RIC8A: variants seen among roughly 807,000 people sequenced by gnomAD.
The protein encoded by RIC8A is RIC8 guanine nucleotide exchange factor A, also known as chaperone Ric-8A.
A neutral mutation model predicts 48.4 loss-of-function variants in RIC8A; 37 were observed. That is an observed-to-expected ratio of 0.77 (90% confidence interval 0.59 to 1.01). The LOEUF (loss-of-function observed/expected upper bound fraction) is 1.01. RIC8A is among the 50% of genes least tolerant of loss of function. The pLI, the probability that RIC8A is intolerant of heterozygous loss-of-function variation, is 0.00. For missense variants in RIC8A, 681 were observed against 696.8 expected (o/e 0.98, Z 0.25); for synonymous variants, 288 against 283.4 (o/e 1.02, Z -0.16).
In RIC8A at chr11:212,829, C is replaced by A; in HGVS notation, c.1211-8C>A. On this transcript the variant is annotated splice_region_variant and splice_polypyrimidine_tract_variant and intron_variant, in intron 7 of 9. Coordinates refer to ENST00000526104, the MANE Select transcript of RIC8A (RefSeq NM_001286134.2). ...GGCTTGCACACTGACCTCTGCCTTG[C>A]CCCTCAGTGCCCCGATTCATCAAGT... 1.2e-6 allele frequency: 2 copies of A among 1,604,794 alleles called. No individual in the cohort carries two copies. The highest frequency in any genetic ancestry group is 1.1e-5 in the South Asian group (1 of 89,446).
Position 211,744 on chromosome 11 carries a change from C to T in RIC8A, c.969+395C>T, listed in dbSNP as rs1388733954. 1.2e-5 allele frequency: 2 copies of T among 167,962 alleles called. No individual in the cohort carries two copies. Among genetic ancestry groups the T allele is most frequent in the Non-Finnish European group, 1.3e-5 (1 of 77,652 alleles). The allele number at this position is 167,962 out of a possible 1,614,324, so 10.4% of individuals were successfully genotyped here. Reference sequence around the variant, plus strand: ...AGCTTCCTTCTGATTGCTGTGACTGCACTACAGGGCATCTGGACAGCTGGG... The same window carrying T: ...AGCTTCCTTCTGATTGCTGTGACTGTACTACAGGGCATCTGGACAGCTGGG... On this transcript the variant is annotated intron_variant, in intron 5 of 9. Transcript: ENST00000526104. The surrounding 1 kb of genome is among the most constrained non-coding windows in gnomAD (Gnocchi z 4.0).
rs1287779483 is a variant in RIC8A at position 208,622 on chromosome 11, C to G, written c.-233C>G. ...GGAGAGGGGTCAGTTCGGTTCAGAG[C>G]GACTCAGCCCCTCGACTCGGGTCTT... On this transcript the variant is annotated 5_prime_UTR_variant, in exon 1 of 10. Transcript: ENST00000526104. The surrounding 1 kb of genome is among the most constrained non-coding windows in gnomAD (Gnocchi z 4.8). 4.4e-6 allele frequency: 2 copies of G among 452,864 alleles called. No individual in the cohort carries two copies. Among genetic ancestry groups the G allele is most frequent in the Non-Finnish European group, 7.8e-6 (2 of 257,906 alleles). The allele number at this position is 452,864 out of a possible 1,614,324, so 28.1% of individuals were successfully genotyped here.
Position 212,442 on chromosome 11 carries a change from T to G in RIC8A, c.996T>G (p.Ala332=). The G allele has an allele frequency of 6.2e-7, 1 of 1,613,918 alleles. No homozygotes were observed. Residue 332 remains alanine (A), a synonymous_variant, in exon 6 of 10, where the codon GCT becomes GCG. Transcript: ENST00000526104. ...CACACAGGCTGAAGGAGAGTGTAGC[T>G]CCCGTGCTGAGCGTGCTGACTGAAT... ...HKTHRLKESV[A]PVLSVLTECA...
intron 9 of RIC8A, 33 bp from the exon 10 acceptor site, chr11:214,197 C>T (rs751850253): frequency 1.2e-6 from 2 of 1,606,476 alleles, no homozygotes; most frequent in Non-Finnish European, 1.7e-6. Flanking sequence ...AACTGGGCCC[C>T]TTCCCCAGCC....
rs201428218 is a variant in RIC8A, at chr11:214,300, G to C, written c.1546G>C (p.Glu516Gln). The C allele has an allele frequency of 7.4e-6, 12 of 1,613,022 alleles. No homozygotes were observed. The highest frequency in any genetic ancestry group is 1.1e-5 in the South Asian group (1 of 90,760). The change falls in exon 10 of 10, where the codon GAG becomes CAG. Residue 516 changes from glutamate (E) to glutamine (Q), a missense_variant. Glu to Gln is a conservative substitution (Grantham distance 29). Coordinates refer to ENST00000526104, the MANE Select transcript of RIC8A (RefSeq NM_001286134.2). Reference sequence around the variant, plus strand: ...TACGTCCCTGCAGGATGCCATGTGCGAGACTATGGAGCAGCAGCTCTCCTC... The same window carrying C: ...TACGTCCCTGCAGGATGCCATGTGCCAGACTATGGAGCAGCAGCTCTCCTC... Reference protein sequence around the residue: ...HLTSLQDAMCETMEQQLSSDP... With the variant: ...HLTSLQDAMCQTMEQQLSSDP...
chr11:209,211 G>C lies in RIC8A; in HGVS notation c.85-60G>C, dbSNP rs542726633. 10 of 1,602,894 alleles carry C rather than the reference G, an allele frequency of 6.2e-6. No homozygotes were observed. In the African/African-American group the frequency reaches 1.1e-4, roughly 17 times the overall value. On this transcript the variant is annotated intron_variant, in intron 1 of 9. Coordinates refer to ENST00000526104, the MANE Select transcript of RIC8A (RefSeq NM_001286134.2). ...TGAGTTAGAGGCCAATAGGCCGCCC[G>C]CATCAGCGGACGCGGATCCTACCCC...
Position 208,027 on chromosome 11 carries a change from A to G in RIC8A, c.-828A>G, listed in dbSNP as rs1252420771. On this transcript the variant is annotated 5_prime_UTR_variant, in exon 1 of 10. Transcript: ENST00000526104. The surrounding 1 kb of genome is among the most constrained non-coding windows in gnomAD (Gnocchi z 4.8). ...TTTGCTCCCGGGCACTTGTTAGAAGAGCGAGTGGATCGCGCTTCCTGTGCG... is the reference window on the plus strand; with the variant it reads ...TTTGCTCCCGGGCACTTGTTAGAAGGGCGAGTGGATCGCGCTTCCTGTGCG... The G allele has an allele frequency of 6.6e-6, 1 of 152,292 alleles. No homozygotes were observed. The highest frequency in any genetic ancestry group is 1.5e-5 in the Non-Finnish European group (1 of 68,054). The allele number at this position is 152,292 out of a possible 1,614,324, so 9.4% of individuals were successfully genotyped here.
chr11:212,613 A>C lies in RIC8A; in HGVS notation c.1066-2A>C. ...CAAGCTTAGGGATGGCCACCTCCCC[A>C]GGTGCTGCCCCCTCTGCGGGATGTG... is the stretch of plus-strand genomic sequence containing the variant. On this transcript the variant is annotated splice_acceptor_variant, in intron 6 of 9. Coordinates refer to ENST00000526104, the MANE Select transcript of RIC8A (RefSeq NM_001286134.2). LOFTEE classifies it high-confidence loss of function. 1 of 1,613,906 alleles carries C rather than the reference A, an allele frequency of 6.2e-7. No homozygotes were observed. The highest frequency in any genetic ancestry group is 8.5e-7 in the Non-Finnish European group (1 of 1,179,904).
At position 214,250 on chromosome 11, in the gene RIC8A, T is replaced by G; in HGVS notation, c.1496T>G (p.Met499Arg). The change falls in exon 10 of 10, where the codon ATG becomes AGG. Residue 499 changes from methionine to arginine, a missense_variant. Coordinates refer to ENST00000526104, the MANE Select transcript of RIC8A (RefSeq NM_001286134.2). ...KLSRNRVIQPMGMSPRGHLTS... is the reference protein window; with the variant it reads ...KLSRNRVIQPRGMSPRGHLTS... ...AACAGGAACAGAGTCATCCAGCCAA[T>G]GGGGATGAGTCCCCGGGGTCATCTT... The G allele has an allele frequency of 6.2e-7, 1 of 1,613,850 alleles. No individual in the cohort carries two copies. The highest frequency in any genetic ancestry group is 1.1e-5 in the South Asian group (1 of 90,966).
Position 211,120 on chromosome 11 carries a change from T to C in RIC8A, c.819-79T>C. ...CTCAGATGCCAGCTCATGTAATGTGTGGTTCAGCGGAGTCACAAAGATTGC... is the reference window on the plus strand; with the variant it reads ...CTCAGATGCCAGCTCATGTAATGTGCGGTTCAGCGGAGTCACAAAGATTGC... On this transcript the variant is annotated intron_variant, in intron 4 of 9. Transcript: ENST00000526104. This position sits in a 1 kb window ranked among gnomAD's most constrained non-coding sequence, Gnocchi z 4.0. The C allele has an allele frequency of 2.1e-6, 3 of 1,454,596 alleles. No homozygotes were observed. The highest frequency in any genetic ancestry group is 2.8e-6 in the Non-Finnish European group (3 of 1,065,034). 90.1% of individuals were successfully genotyped at this position (1,454,596 alleles called of 1,614,324 possible).
At chr11:209,364 A>C (rs1162471835) in intron 2 of RIC8A, 43 bp from the exon 3 acceptor site, 5 of 1,601,652 alleles carry the variant, frequency 3.1e-6, no homozygotes, top group East Asian at 4.5e-5. Context: ...GGGTGGCCCC[A>C]GGAAGAAGGG....
At position 209,599 on chromosome 11, in the gene RIC8A, G is replaced by A. The variant is rs1372336675; in HGVS notation, c.325G>A (p.Ala109Thr). The A allele has an allele frequency of 3.1e-6, 5 of 1,613,916 alleles. No individual in the cohort carries two copies. The highest frequency in any genetic ancestry group is 1.3e-5 in the African/African-American group (1 of 74,946). ...SVSEGSVPES[A>T]DMDVVLESLK... Reference sequence around the variant, plus strand: ...CTCTGAGGGGTCCGTCCCAGAGTCCGCAGACATGGATGTTGTACTGGAGTC... The same window carrying A: ...CTCTGAGGGGTCCGTCCCAGAGTCCACAGACATGGATGTTGTACTGGAGTC... Residue 109 changes from alanine (A) to threonine (T), a missense_variant, in exon 3 of 10, where the codon GCA becomes ACA. Transcript: ENST00000526104.
intron 4 of RIC8A, chr11:210,922 G>T (rs1362076555): frequency 8.3e-6 from 5 of 602,940 alleles, no homozygotes; most frequent in Non-Finnish European, 1.5e-5. Flanking sequence ...CCTGCCCCTA[G>T]GCTGGTCTGG....
Position 208,666 on chromosome 11 carries a change from G to C in RIC8A, c.-189G>C, listed in dbSNP as rs1454817409. On this transcript the variant is annotated 5_prime_UTR_variant, in exon 1 of 10. Coordinates refer to ENST00000526104, the MANE Select transcript of RIC8A (RefSeq NM_001286134.2). This position sits in a 1 kb window ranked among gnomAD's most constrained non-coding sequence, Gnocchi z 4.8. ...GGGTCTTAAAACCTCCGAGCCGCCA[G>C]TTCTGCCTCAGGCCGCGCCCCCTTA... 2 of 497,952 alleles carry C rather than the reference G, an allele frequency of 4.0e-6. No homozygotes were observed. The highest frequency in any genetic ancestry group is 7.0e-6 in the Non-Finnish European group (2 of 286,266). The allele number at this position is 497,952 out of a possible 1,614,324, so 30.8% of individuals were successfully genotyped here.
At chr11:212,274 G>C in intron 5 of RIC8A, 142 bp from the exon 6 acceptor site, 1 of 756,956 alleles carries the variant, frequency 1.3e-6, no homozygotes, top group Non-Finnish European at 2.2e-6. Context: ...CTGACTAACT[G>C]CAGAGGGGCC....
rs368458016 is a variant in RIC8A at position 209,589 on chromosome 11, C to A, written c.315C>A (p.Val105=). ...YADISVSEGS[V]PESADMDVVL... is the part of the protein sequence containing the mutation. ...ACATCTCTGTCTCTGAGGGGTCCGT[C>A]CCAGAGTCCGCAGACATGGATGTTG... Residue 105 remains valine (V), a synonymous_variant, in exon 3 of 10, where the codon GTC becomes GTA. Coordinates refer to ENST00000526104, the MANE Select transcript of RIC8A (RefSeq NM_001286134.2). The A allele has an allele frequency of 1.9e-6, 3 of 1,613,958 alleles. No homozygotes were observed. Among genetic ancestry groups the A allele is most frequent in the Non-Finnish European group, 2.5e-6 (3 of 1,180,056 alleles).
Position 214,528 on chromosome 11 carries a change from C to G in RIC8A, c.*178C>G. The G allele has an allele frequency of 1.3e-6, 1 of 761,120 alleles. No individual in the cohort carries two copies. Among genetic ancestry groups the G allele is most frequent in the Non-Finnish European group, 2.3e-6 (1 of 443,284 alleles). 47.1% of individuals were successfully genotyped at this position (761,120 alleles called of 1,614,324 possible). On this transcript the variant is annotated 3_prime_UTR_variant, in exon 10 of 10. Transcript: ENST00000526104. The stretch of plus-strand genomic sequence containing the variant: ...ATGATTTGCCTCTGGTCCAGTTTCT[C>G]ATCTCTGGACTGCAACGGTCTTCTT...
chr11:214,078 T>A, intron 9 of RIC8A, 152 bp from the exon 10 acceptor site: 1 of 831,760 alleles, frequency 1.2e-6, no homozygotes, highest in Non-Finnish European at 1.9e-6. Flanking sequence ...CAGTTAGGGT[T>A]TGGGCCCAGT....
chr11:214,528 C>A lies in RIC8A; in HGVS notation c.*178C>A. The A allele has an allele frequency of 1.3e-6, 1 of 761,118 alleles. No homozygotes were observed. The highest frequency in any genetic ancestry group is 1.5e-5 in the South Asian group (1 of 66,882). The allele number at this position is 761,118 out of a possible 1,614,324, so 47.1% of individuals were successfully genotyped here. A position where few individuals can be genotyped will look rare whatever the true frequency, so the allele number is the denominator to read the frequency against. ...ATGATTTGCCTCTGGTCCAGTTTCT[C>A]ATCTCTGGACTGCAACGGTCTTCTT... On this transcript the variant is annotated 3_prime_UTR_variant, in exon 10 of 10. Coordinates refer to ENST00000526104, the MANE Select transcript of RIC8A (RefSeq NM_001286134.2).
Sources: allele counts gnomAD v4.1 joint callset, GRCh38; gene constraint gnomAD v4.1.1; non-coding constraint Gnocchi (gnomAD v3.1); transcripts MANE v1.5; gene names NCBI Gene and HGNC (gene_info 2026-07-23, HGNC 2026-07-21).